The following KRT12 variants were observed in gnomAD, a reference collection of about 807,000 sequenced individuals.
KRT12 encodes keratin 12, also known as keratin, type I cytoskeletal 12.
Under a neutral mutation model 50.2 loss-of-function variants are expected in KRT12, and 43 were observed. The ratio of observed to expected loss-of-function variants is 0.86; its 90% confidence interval spans 0.67 to 1.11. The LOEUF (loss-of-function observed/expected upper bound fraction) is 1.11, where lower values mean the gene tolerates loss of function less well. KRT12 is among the 50% of genes least tolerant of loss of function. The pLI, the probability that KRT12 is intolerant of heterozygous loss-of-function variation, is 0.00. For missense variants in KRT12, 588 were observed against 625.6 expected, an observed-to-expected ratio of 0.94 and a Z score of 0.64; for synonymous variants, 257 against 253.6, an observed-to-expected ratio of 1.01 and a Z score of -0.13.
chr17:40,863,578 G>A lies in KRT12; in HGVS notation c.1002C>T (p.Asn334=). 2 of 1,614,256 alleles carry A rather than the reference G, an allele frequency of 1.2e-6. No homozygotes were observed. Among genetic ancestry groups the A allele is most frequent in the South Asian group, 2.2e-5 (2 of 91,086 alleles). ...SGELRKEIST[N]TEQLQSSKSE... is the part of the protein sequence containing the mutation. ...TCTTGCTGGACTGAAGCTGCTCGGT[G>A]TTGGTGCTAATCTCCTTACGGAGCT... Residue 334 remains asparagine, a synonymous_variant, in exon 5 of 8, where the codon AAC becomes AAT. Coordinates refer to ENST00000251643, the MANE Select transcript of KRT12 (RefSeq NM_000223.4). This position sits in a 1 kb window ranked among gnomAD's most constrained non-coding sequence, Gnocchi z 4.2.
chr17:40,864,713 G>T, intron 3 of KRT12, 93 bp downstream of exon 3: 2 of 1,308,006 alleles, frequency 1.5e-6, no homozygotes, highest in Non-Finnish European at 2.2e-6. Context: ...CTCCATACTT[G>T]TCCTGACTCC....
In KRT12 at chr17:40,861,553, C is replaced by CAA. The variant is rs1286828269; in HGVS notation, c.*106_*107dup. On this transcript the variant is annotated 3_prime_UTR_variant, in exon 8 of 8. Transcript: ENST00000251643. Reference sequence around the variant, plus strand: ...GGGAATCCAAAGAAAATGGAACAGACAAAAATAGGGATTGAAGTAATACAG... The same window carrying CAA: ...GGGAATCCAAAGAAAATGGAACAGACAAAAAAATAGGGATTGAAGTAATACAG... The CAA allele has an allele frequency of 5.2e-6, 4 of 767,030 alleles. No individual in the cohort carries two copies. The highest frequency in any genetic ancestry group is 9.3e-6 in the Non-Finnish European group (4 of 429,008). The allele number at this position is 767,030 out of a possible 1,614,324, so 47.5% of individuals were successfully genotyped here.
Position 40,866,963 on chromosome 17 carries a change from C to G in KRT12, c.224G>C (p.Ser75Thr). Residue 75 changes from serine to threonine, a missense_variant, in exon 1 of 8, where the codon AGT (serine) becomes ACT (threonine). Coordinates refer to ENST00000251643, the MANE Select transcript of KRT12 (RefSeq NM_000223.4). The part of the protein sequence containing the change: ...SSSGFGGGSG[S>T]SMAGGLGAGY... Reference sequence around the variant, plus strand: ...AGCACCCAGTCCTCCTGCCATGGAACTTCCGGAGCCACCCCCAAAGCCGGA... The same window carrying G: ...AGCACCCAGTCCTCCTGCCATGGAAGTTCCGGAGCCACCCCCAAAGCCGGA... The G allele has an allele frequency of 6.3e-7, 1 of 1,599,530 alleles. No individual in the cohort carries two copies. The highest frequency in any genetic ancestry group is 8.5e-7 in the Non-Finnish European group (1 of 1,173,412).
intron 2 of KRT12, among the ~76,000 whole-genome samples, chr17:40,865,827 CAAAAACA>C (rs958123033): frequency 5.3e-5 from 8 of 151,708 alleles, no homozygotes; most frequent in Non-Finnish European, 7.4e-5. Flanking sequence ...GACTCCATCT[CAAAAACA>C]AAAAACAAAA....
intron 7 of KRT12, among the ~76,000 whole-genome samples, chr17:40,861,965 C>T (rs1355832093): frequency 6.6e-6 from 1 of 152,096 alleles, no homozygotes; most frequent in Non-Finnish European, 1.5e-5. Flanking sequence ...TATATGAAAA[C>T]TTTTTTTAAG....
Position 40,866,619 on chromosome 17 carries a change from C to A in KRT12, c.567+1G>T. 6.2e-7 allele frequency: 1 copy of A among 1,613,240 alleles called. No homozygotes were observed. The highest frequency in any genetic ancestry group is 8.5e-7 in the Non-Finnish European group (1 of 1,179,358). ...CAAAGCGCCTCCAAAAGAGATCTTA[C>A]CTTATTCCTGAGGTCTTCAATCAGT... On this transcript the variant is annotated splice_donor_variant, in intron 1 of 7. Coordinates refer to ENST00000251643, the MANE Select transcript of KRT12 (RefSeq NM_000223.4). LOFTEE classifies it high-confidence loss of function.
At position 40,861,623 on chromosome 17, in the gene KRT12, T is replaced by A. The variant is rs1469398374; in HGVS notation, c.*38A>T. 8.0e-7 allele frequency: 1 copy of A among 1,256,762 alleles called. No individual in the cohort carries two copies. Among genetic ancestry groups the A allele is most frequent in the East Asian group, 2.3e-5 (1 of 43,210 alleles). 77.9% of individuals were successfully genotyped at this position (1,256,762 alleles called of 1,614,324 possible). A position where few individuals can be genotyped will look rare whatever the true frequency, so the allele number is the denominator to read the frequency against. ...TAATTTCTACTTGTAAATTTCTTGTTCCTAAGGAACCAATCATGGGGCAGA... is the reference window on the plus strand; with the variant it reads ...TAATTTCTACTTGTAAATTTCTTGTACCTAAGGAACCAATCATGGGGCAGA... On this transcript the variant is annotated 3_prime_UTR_variant, in exon 8 of 8. Coordinates refer to ENST00000251643, the MANE Select transcript of KRT12 (RefSeq NM_000223.4).
In KRT12 at chr17:40,867,097, G is replaced by T. The variant is rs1907060054; in HGVS notation, c.90C>A (p.Pro30=). ...CAACACTGGAAGCAGACATGCCCCT[G>T]GGTCTGCCTATCACACTCTGCGAGG... The part of the protein sequence containing the change: ...RLSSQSVIGR[P]RGMSASSVGS... Residue 30 remains proline, a synonymous_variant, in exon 1 of 8, where the codon CCC becomes CCA. Coordinates refer to ENST00000251643, the MANE Select transcript of KRT12 (RefSeq NM_000223.4). The T allele has an allele frequency of 6.2e-7, 1 of 1,613,844 alleles. No individual in the cohort carries two copies. The highest frequency in any genetic ancestry group is 8.5e-7 in the Non-Finnish European group (1 of 1,179,984).
In KRT12 at chr17:40,863,906, G is replaced by T. The variant is rs1906909424; in HGVS notation, c.808-42C>A. On this transcript the variant is annotated intron_variant, in intron 3 of 7. Coordinates refer to ENST00000251643, the MANE Select transcript of KRT12 (RefSeq NM_000223.4). The surrounding 1 kb of genome is among the most constrained non-coding windows in gnomAD (Gnocchi z 4.2). ...AGAGAGAGGGGCACAGGGGTCCATT[G>T]TGACTTTCGTGGGCCCTGGATACTT... 1 of 1,485,324 alleles carries T rather than the reference G, an allele frequency of 6.7e-7. No individual in the cohort carries two copies. The highest frequency in any genetic ancestry group is 2.2e-5 in the Admixed American group (1 of 45,190). The allele number at this position is 1,485,324 out of a possible 1,614,324, so 92.0% of individuals were successfully genotyped here.
In KRT12 at chr17:40,861,565, T is replaced by C. The variant is rs1226780824; in HGVS notation, c.*96A>G. ...AAAATGGAACAGACAAAAATAGGGA[T>C]TGAAGTAATACAGCATGTTACTCTG... On this transcript the variant is annotated 3_prime_UTR_variant, in exon 8 of 8. Transcript: ENST00000251643. 3 of 801,170 alleles carry C rather than the reference T, an allele frequency of 3.7e-6. No homozygotes were observed. In the Admixed American group the frequency reaches 5.7e-5, roughly 15 times the overall value. 49.6% of individuals were successfully genotyped at this position (801,170 alleles called of 1,614,324 possible).
chr17:40,864,946 C>T lies in KRT12; in HGVS notation c.667G>A (p.Ala223Thr). ...TCGGCCTCTACGCCCTGGCGCAGGGCCAGTTCATTCTCATACCTGAAAACC... is the reference window on the plus strand; with the variant it reads ...TCGGCCTCTACGCCCTGGCGCAGGGTCAGTTCATTCTCATACCTGAAAACC... ...DFRMKYENEL[A>T]LRQGVEADIN... Residue 223 changes from alanine (A) to threonine (T), a missense_variant, in exon 3 of 8, where the codon GCC becomes ACC. Coordinates refer to ENST00000251643, the MANE Select transcript of KRT12 (RefSeq NM_000223.4). 6.2e-7 allele frequency: 1 copy of T among 1,614,214 alleles called. No individual in the cohort carries two copies. Among genetic ancestry groups the T allele is most frequent in the Non-Finnish European group, 8.5e-7 (1 of 1,180,038 alleles).
Position 40,863,405 on chromosome 17 carries a change from G to A in KRT12, c.1096-62C>T. 6.2e-7 allele frequency: 1 copy of A among 1,613,474 alleles called. No homozygotes were observed. The highest frequency in any genetic ancestry group is 1.7e-4 in the Middle Eastern group (1 of 6,060). On this transcript the variant is annotated intron_variant, in intron 5 of 7. Coordinates refer to ENST00000251643, the MANE Select transcript of KRT12 (RefSeq NM_000223.4). This position sits in a 1 kb window ranked among gnomAD's most constrained non-coding sequence, Gnocchi z 4.2. The stretch of plus-strand genomic sequence containing the variant: ...GGAGGGGACCGAAAAGAGGAGGGTA[G>A]CCAACGGCTAATGTAATTTGGATGC...
rs769463530 is a variant in KRT12 at position 40,866,763 on chromosome 17, T to C, written c.424A>G (p.Lys142Glu). ...LNDRLASYLD[K>E]VRALEEANTE... Reference sequence around the variant, plus strand: ...TTAGCCTCTTCTAGAGCTCGCACCTTATCCAGGTAGGAAGCTAATCTATCA... The same window carrying C: ...TTAGCCTCTTCTAGAGCTCGCACCTCATCCAGGTAGGAAGCTAATCTATCA... Residue 142 changes from lysine (K) to glutamate (E), a missense_variant, in exon 1 of 8, where the codon AAG (lysine) becomes GAG (glutamate). Physicochemically the swap from Lys to Glu is moderately conservative, Grantham distance 56. Coordinates refer to ENST00000251643, the MANE Select transcript of KRT12 (RefSeq NM_000223.4). 9.3e-6 allele frequency: 15 copies of C among 1,614,204 alleles called. No homozygotes were observed. The highest frequency in any genetic ancestry group is 1.2e-5 in the Non-Finnish European group (14 of 1,180,040).
chr17:40,863,293 C>T lies in KRT12; in HGVS notation c.1146G>A (p.Ala382=), dbSNP rs1218141239. The change falls in exon 6 of 8, where the codon GCG becomes GCA. Residue 382 remains alanine, a synonymous_variant. Transcript: ENST00000251643. This position sits in a 1 kb window ranked among gnomAD's most constrained non-coding sequence, Gnocchi z 4.2. ...TGAGCTGCTGCACCTGGGACAGCTG[C>T]GCGCAGTAATCGCCCTCGGCTTCGG... is the stretch of plus-strand genomic sequence containing the variant. ...SLAEAEGDYC[A]QLSQVQQLIS... is the part of the protein sequence containing the mutation. 5 of 1,613,958 alleles carry T rather than the reference C, an allele frequency of 3.1e-6. No individual in the cohort carries two copies. Among genetic ancestry groups the T allele is most frequent in the East Asian group, 2.2e-5 (1 of 44,880 alleles).
chr17:40,864,001 C>G (rs1906916648), intron 3 of KRT12, 137 bp from the exon 4 acceptor site: 2 of 587,126 alleles, frequency 3.4e-6, no homozygotes, highest in Admixed American at 3.2e-5. Flanking sequence ...CTTAAAAATT[C>G]TATCTTATGA....
In KRT12 at chr17:40,866,965, TC is replaced by T. The variant is rs750316163; in HGVS notation, c.221del (p.Gly74GlufsTer37). 1 of 1,599,552 alleles carries T rather than the reference TC, an allele frequency of 6.3e-7. No homozygotes were observed. On this transcript the variant is annotated frameshift_variant, in exon 1 of 8. Transcript: ENST00000251643. LOFTEE classifies it high-confidence loss of function. ...GSSSGFGGGS[G>X]SSMAGGLGAG... Reference sequence around the variant, plus strand: ...CACCCAGTCCTCCTGCCATGGAACTTCCGGAGCCACCCCCAAAGCCGGAACT... The same window carrying T: ...CACCCAGTCCTCCTGCCATGGAACTTCGGAGCCACCCCCAAAGCCGGAACT...
Position 40,866,177 on chromosome 17 carries a change from C to G in KRT12, c.628G>C (p.Ala210Pro). Residue 210 changes from alanine to proline, a missense_variant, in exon 2 of 8, where the codon GCT (alanine) becomes CCT (proline). Coordinates refer to ENST00000251643, the MANE Select transcript of KRT12 (RefSeq NM_000223.4). The stretch of plus-strand genomic sequence containing the variant: ...CACTTCATCCTGAAGTCCTCAGCAG[C>G]TAGTCTCGCATTGTCAATCTGCAAG... ...LLLQIDNARL[A>P]AEDFRMKYEN... is the part of the protein sequence containing the mutation. 2 of 1,614,118 alleles carry G rather than the reference C, an allele frequency of 1.2e-6. No individual in the cohort carries two copies. The highest frequency in any genetic ancestry group is 1.7e-6 in the Non-Finnish European group (2 of 1,179,988).
chr17:40,864,064 C>T (rs1906918934), intron 3 of KRT12, among the ~76,000 whole-genome samples, 200 bp from the exon 4 acceptor site: 1 of 151,588 alleles, frequency 6.6e-6, no homozygotes, highest in Non-Finnish European at 1.5e-5. Context: ...CTTTTTTAAC[C>T]TCAAAATTCA....
intron 7 of KRT12, 109 bp downstream of exon 7, chr17:40,862,456 G>C (rs1906837468): frequency 2.5e-6 from 2 of 789,794 alleles, no homozygotes; most frequent in South Asian, 2.8e-5. Flanking sequence ...ATATAAATAT[G>C]CTTTAAATTA....
Sources: allele counts gnomAD v4.1 joint callset (sites outside exome capture counted in the v4.1 genomes callset), GRCh38; gene constraint gnomAD v4.1.1; non-coding constraint Gnocchi (gnomAD v3.1); transcripts MANE v1.5; gene names NCBI Gene and HGNC (gene_info 2026-07-23, HGNC 2026-07-21).